Variants in DNM3 observed in about 807,000 individuals in gnomAD.
DNM3 encodes dynamin-3.
In DNM3, 47 loss-of-function variants were observed where a neutral mutation model predicts 101.6. The observed-to-expected ratio is 0.46, with a 90% CI of 0.37 to 0.59. The LOEUF is 0.59. DNM3 is among the 20% of genes least tolerant of loss of function. DNM3 has a pLI of 0.00. For missense variants in DNM3, 849 were observed against 1,085.7 expected, an observed-to-expected ratio of 0.78 and a Z score of 3.06; for synonymous variants, 385 against 387.9, an observed-to-expected ratio of 0.99 and a Z score of 0.09.
intron 14 of DNM3, among the ~76,000 whole-genome samples, chr1:172,253,312 A>C: frequency 6.6e-6 from 1 of 152,128 alleles, no homozygotes; most frequent in East Asian, 1.9e-4. Flanking sequence ...CCATTTTTCC[A>C]ACCACATGTT....
intron 14 of DNM3, among the ~76,000 whole-genome samples, chr1:172,184,172 A>G (rs2148407257): frequency 6.6e-6 from 1 of 152,238 alleles, no homozygotes; most frequent in East Asian, 1.9e-4. Flanking sequence ...TTCTCATTAA[A>G]TGATGTTAAA....
chr1:172,091,074 G>A (rs906902577), intron 12 of DNM3, among the ~76,000 whole-genome samples: 7 of 152,182 alleles, frequency 4.6e-5, no homozygotes, highest in Non-Finnish European at 7.4e-5. Context: ...GTGATGAAAC[G>A]TGTGGGCTCT....
At chr1:172,118,865 A>G (rs2056108011) in intron 13 of DNM3, among the ~76,000 whole-genome samples, 1 of 152,140 alleles carries the variant, frequency 6.6e-6, no homozygotes, top group African/African-American at 2.4e-5. Context: ...GAGTCCCTCA[A>G]TCCTCCCCTC....
At chr1:172,124,197 G>A (rs903861565) in intron 13 of DNM3, among the ~76,000 whole-genome samples, 1 of 152,118 alleles carries the variant, frequency 6.6e-6, no homozygotes, top group Non-Finnish European at 1.5e-5. Flanking sequence ...CCTCCTCAAT[G>A]TGAATATGAA....
chr1:172,176,040 CT>C (rs2148366974), intron 14 of DNM3, among the ~76,000 whole-genome samples: 1 of 151,904 alleles, frequency 6.6e-6, no homozygotes, highest in African/African-American at 2.4e-5. Flanking sequence ...TCCGTAGAAC[CT>C]GTAAATATGT....
At chr1:172,160,061 A>AT (rs1234210672) in intron 14 of DNM3, among the ~76,000 whole-genome samples, 1 of 147,148 alleles carries the variant, frequency 6.8e-6, no homozygotes, top group South Asian at 2.1e-4. Flanking sequence ...AGCATAAAAG[A>AT]TAAAAAAAAA....
At chr1:172,126,475 A>C (rs1263388642) in intron 13 of DNM3, among the ~76,000 whole-genome samples, 1 of 152,220 alleles carries the variant, frequency 6.6e-6, no homozygotes, top group Non-Finnish European at 1.5e-5. Flanking sequence ...GTTATTAGTA[A>C]AATTTTTAAA....
chr1:172,154,991 A>G (rs186483599), intron 14 of DNM3, among the ~76,000 whole-genome samples: 1 of 152,212 alleles, frequency 6.6e-6, no homozygotes, highest in East Asian at 1.9e-4. Context: ...TATATGAGTA[A>G]GGCAGATGAG....
intron 16 of DNM3, chr1:172,309,884 C>A (rs945069031): frequency 6.6e-6 from 1 of 152,174 alleles, no homozygotes; most frequent in Non-Finnish European, 1.5e-5. Context: ...AAATGTCGTC[C>A]TCTCTGCTGT....
Position 172,409,259 on chromosome 1 carries a change from A to G in DNM3, c.*1418A>G, listed in dbSNP as rs1447262948. Reference sequence around the variant, plus strand: ...ATTTCATATTCTACAGAAGTAAATCAGGTTTCACCAACTGAAATGTCTCCC... The same window carrying G: ...ATTTCATATTCTACAGAAGTAAATCGGGTTTCACCAACTGAAATGTCTCCC... On this transcript the variant is annotated 3_prime_UTR_variant, in exon 21 of 21. Transcript: ENST00000627582. 1.0e-6 allele frequency: 1 copy of G among 985,284 alleles called. No individual in the cohort carries two copies. The highest frequency in any genetic ancestry group is 1.7e-5 in the African/African-American group (1 of 57,252). 61.0% of individuals were successfully genotyped at this position (985,284 alleles called of 1,614,324 possible).
chr1:172,386,395 C>G (rs1289075977), intron 18 of DNM3, among the ~76,000 whole-genome samples: 1 of 152,178 alleles, frequency 6.6e-6, no homozygotes. Context: ...CATTTTCATC[C>G]TGCAACAAAA....
chr1:172,264,772 G>T (rs1029509118), intron 15 of DNM3, among the ~76,000 whole-genome samples: 1 of 152,090 alleles, frequency 6.6e-6, no homozygotes, highest in Non-Finnish European at 1.5e-5. Context: ...TACCTCACAG[G>T]TTAAGGAGCT....
intron 16 of DNM3, among the ~76,000 whole-genome samples, chr1:172,318,416 G>A (rs1374260906): frequency 1.3e-5 from 2 of 152,244 alleles, no homozygotes; most frequent in East Asian, 3.9e-4. Flanking sequence ...GAAATAAAGG[G>A]TATTCAATTA....
intron 1 of DNM3, among the ~76,000 whole-genome samples, chr1:171,900,364 G>T: frequency 6.6e-6 from 1 of 152,106 alleles, no homozygotes; most frequent in East Asian, 1.9e-4. Flanking sequence ...CCGAGGGGGA[G>T]AACATGCAGA....
intron 13 of DNM3, among the ~76,000 whole-genome samples, chr1:172,099,952 T>A (rs1471516066): frequency 1.3e-5 from 2 of 152,242 alleles, no homozygotes; most frequent in Admixed American, 1.3e-4. Flanking sequence ...ACATGACTGA[T>A]AATTCATTCC....
At chr1:172,104,664 G>T (rs1028834145) in intron 13 of DNM3, among the ~76,000 whole-genome samples, 7 of 152,170 alleles carry the variant, frequency 4.6e-5, no homozygotes, top group African/African-American at 1.7e-4. Flanking sequence ...ATGTTTGATA[G>T]TAATGTTTAT....
intron 16 of DNM3, among the ~76,000 whole-genome samples, chr1:172,314,651 G>GGC (rs2065238779): frequency 6.6e-6 from 1 of 152,226 alleles, no homozygotes; most frequent in East Asian, 1.9e-4. Flanking sequence ...ACAGCAGTCT[G>GGC]AGATCAAACT....
intron 1 of DNM3, among the ~76,000 whole-genome samples, chr1:171,871,546 G>A (rs1482497792): frequency 1.3e-5 from 2 of 152,164 alleles, no homozygotes; most frequent in East Asian, 3.8e-4. Context: ...ACTGTAGGAT[G>A]TTTAACATTG....
In DNM3 at chr1:172,308,722, C is replaced by A; in HGVS notation, c.1770-6C>A. 8 of 1,478,512 alleles carry A rather than the reference C, an allele frequency of 5.4e-6. No homozygotes were observed. Among genetic ancestry groups the A allele is most frequent in the South Asian group, 1.3e-5 (1 of 77,548 alleles). The allele number at this position is 1,478,512 out of a possible 1,614,324, so 91.6% of individuals were successfully genotyped here. A position where few individuals can be genotyped will look rare whatever the true frequency, so the allele number is the denominator to read the frequency against. On this transcript the variant is annotated splice_region_variant and splice_polypyrimidine_tract_variant and intron_variant, in intron 15 of 20. Coordinates refer to ENST00000627582, the MANE Select transcript of DNM3 (RefSeq NM_015569.5). ...AAAGCATGATTTTTTTTTTTTTTAA[C>A]TCCAGGAATGTATACAAAGACTATC... is the stretch of plus-strand genomic sequence containing the variant.
Sources: allele counts gnomAD v4.1 joint callset (sites outside exome capture counted in the v4.1 genomes callset), GRCh38; gene constraint gnomAD v4.1.1; transcripts MANE v1.5; gene names NCBI Gene and HGNC (gene_info 2026-07-23, HGNC 2026-07-21).